Variants in AGO3 observed in about 807,000 individuals in gnomAD.
AGO3 encodes the protein argonaute RISC catalytic component 3.
In AGO3, 16 loss-of-function variants were observed where a neutral mutation model predicts 105.5. The ratio of observed to expected loss-of-function variants is 0.15; its 90% CI spans 0.10 to 0.23. The LOEUF is 0.23. Among genes scored for constraint, AGO3 ranks in the 10% least tolerant of loss-of-function variants. The pLI is 1.00. For missense variants in AGO3, 534 were observed against 1,088.0 expected, an observed-to-expected ratio of 0.49 and a Z score of 7.16; for synonymous variants, 340 against 367.3, an observed-to-expected ratio of 0.93 and a Z score of 0.85.
rs1000677835 is a variant in AGO3 at position 36,059,933 on chromosome 1, G to A, written c.*4188G>A. ...GAAAAAGGGTACCTCAGCCTCTTCA[G>A]TACTGGTTTTTTGGCACATTTCAAC... is the stretch of plus-strand genomic sequence containing the variant. On this transcript the variant is annotated 3_prime_UTR_variant, in exon 19 of 19. Coordinates refer to ENST00000373191, the MANE Select transcript of AGO3 (RefSeq NM_024852.4). The A allele has an allele frequency of 1.3e-5, 2 of 152,116 alleles. No homozygotes were observed. Among genetic ancestry groups the A allele is most frequent in the African/African-American group, 4.8e-5 (2 of 41,416 alleles). The allele number at this position is 152,116 out of a possible 1,614,324, so 9.4% of individuals were successfully genotyped here.
chr1:35,952,871 A>G (rs1571423946), intron 2 of AGO3, among the ~76,000 whole-genome samples: 1 of 152,188 alleles, frequency 6.6e-6, no homozygotes, highest in East Asian at 1.9e-4. Context: ...CCCATCGTTA[A>G]GTGATGCATA....
intron 4 of AGO3, 98 bp from the exon 5 acceptor site, chr1:35,973,277 C>T (rs1336809024): frequency 8.7e-7 from 1 of 1,147,140 alleles, no homozygotes; most frequent in Non-Finnish European, 1.1e-6. Flanking sequence ...TAATGATAAG[C>T]ATCATTATGT....
chr1:36,031,629 A>G (rs1641779819), intron 12 of AGO3, among the ~76,000 whole-genome samples: 2 of 152,126 alleles, frequency 1.3e-5, no homozygotes, highest in Non-Finnish European at 1.5e-5. Context: ...ATCCATTTCC[A>G]GAACTTTTTT....
At chr1:35,988,635 T>C (rs891614974) in intron 5 of AGO3, among the ~76,000 whole-genome samples, 1 of 152,088 alleles carries the variant, frequency 6.6e-6, no homozygotes, top group Non-Finnish European at 1.5e-5. Context: ...CTAAATAATA[T>C]TCCATTTTAT....
chr1:36,052,736 T>C (rs1243745782), intron 17 of AGO3, among the ~76,000 whole-genome samples: 1 of 152,076 alleles, frequency 6.6e-6, no homozygotes. Context: ...AAAACCTATA[T>C]ATATCAGGCT....
intron 2 of AGO3, among the ~76,000 whole-genome samples, chr1:35,948,975 C>T (rs1047148551): frequency 1.3e-5 from 2 of 151,508 alleles, no homozygotes; most frequent in African/African-American, 4.9e-5. Flanking sequence ...TGGAGTTTTG[C>T]TCTTGTTGCC....
At position 36,068,152 on chromosome 1, in the gene AGO3, G is replaced by T. The variant is rs1044235051; in HGVS notation, c.*12407G>T. The T allele has an allele frequency of 3.3e-5, 5 of 151,860 alleles. No individual in the cohort carries two copies. Among genetic ancestry groups the T allele is most frequent in the Non-Finnish European group, 5.9e-5 (4 of 67,986 alleles). 9.4% of individuals were successfully genotyped at this position (151,860 alleles called of 1,614,324 possible). The stretch of plus-strand genomic sequence containing the variant: ...ACACACACTGTTAAAAATAAAAGAG[G>T]GGAAGGATAAAACAAAAATAGATAG... On this transcript the variant is annotated 3_prime_UTR_variant, in exon 19 of 19. Coordinates refer to ENST00000373191, the MANE Select transcript of AGO3 (RefSeq NM_024852.4).
At chr1:35,953,192 G>A (rs1305896404) in intron 2 of AGO3, among the ~76,000 whole-genome samples, 1 of 152,076 alleles carries the variant, frequency 6.6e-6, no homozygotes, top group Non-Finnish European at 1.5e-5. Flanking sequence ...ACTTTGGGAT[G>A]CTGAGGTGAA....
chr1:35,979,090 C>T (rs1557661945), intron 5 of AGO3, among the ~76,000 whole-genome samples: 2 of 151,942 alleles, frequency 1.3e-5, no homozygotes, highest in African/African-American at 2.4e-5. Context: ...TGTGGCTGGG[C>T]GCGGTGGCTC....
At chr1:36,036,331 A>G in intron 14 of AGO3, 64 bp downstream of exon 14, 1 of 1,437,982 alleles carries the variant, frequency 7.0e-7, no homozygotes, top group Non-Finnish European at 9.6e-7. Context: ...TGCAGTTTCA[A>G]CTTTTTGAAT....
At chr1:36,041,235 CTTTTTTTTTTT>C (rs958423621) in intron 16 of AGO3, among the ~76,000 whole-genome samples, 5 of 86,420 alleles carry the variant, frequency 5.8e-5, no homozygotes, top group Admixed American at 1.5e-4. Context: ...AATATGTTTT[CTTTTTTTTTTT>C]TTTTTTTTTT....
chr1:36,056,508 A>G lies in AGO3; in HGVS notation c.*763A>G, dbSNP rs1268841493. Reference sequence around the variant, plus strand: ...ATACCCTACTCCTGACTCCTATCTCATACACAATTCTGAGTTCTCAACTCT... The same window carrying G: ...ATACCCTACTCCTGACTCCTATCTCGTACACAATTCTGAGTTCTCAACTCT... On this transcript the variant is annotated 3_prime_UTR_variant, in exon 19 of 19. Transcript: ENST00000373191. 1 of 151,974 alleles carries G rather than the reference A, an allele frequency of 6.6e-6. No individual in the cohort carries two copies. The highest frequency in any genetic ancestry group is 2.4e-5 in the African/African-American group (1 of 41,398). The allele number at this position is 151,974 out of a possible 1,614,324, so 9.4% of individuals were successfully genotyped here. A position where few individuals can be genotyped will look rare whatever the true frequency, so the allele number is the denominator to read the frequency against.
At position 36,069,744 on chromosome 1, in the gene AGO3, TGTG is replaced by T. The variant is rs1160537791; in HGVS notation, c.*14003_*14005del. ...CAGCTGCAGTTTTGAGTTAGATTAA[TGTG>T]GTGAAAACCATCAAATACTTAGAAA... is the stretch of plus-strand genomic sequence containing the variant. On this transcript the variant is annotated 3_prime_UTR_variant, in exon 19 of 19. Coordinates refer to ENST00000373191, the MANE Select transcript of AGO3 (RefSeq NM_024852.4). 2.6e-5 allele frequency: 4 copies of T among 152,208 alleles called. No individual in the cohort carries two copies. The South Asian group carries it at 8.3e-4, about 32-fold the overall frequency. The allele number at this position is 152,208 out of a possible 1,614,324, so 9.4% of individuals were successfully genotyped here.
chr1:36,034,422 T>G (rs994201363), intron 13 of AGO3, 89 bp downstream of exon 13: 3 of 908,186 alleles, frequency 3.3e-6, no homozygotes, highest in Non-Finnish European at 4.4e-6. Flanking sequence ...AAGGGCTGTG[T>G]AAGAGACCCC....
intron 2 of AGO3, among the ~76,000 whole-genome samples, chr1:35,950,421 A>G (rs1272086031): frequency 6.6e-6 from 1 of 152,332 alleles, no homozygotes; most frequent in East Asian, 1.9e-4. Context: ...CTTTAGTTGG[A>G]GTCTTCTTAG....
At chr1:35,943,547 T>TTG (rs1448309947) in intron 1 of AGO3, among the ~76,000 whole-genome samples, 2 of 151,082 alleles carry the variant, frequency 1.3e-5, no homozygotes, top group Non-Finnish European at 2.9e-5. Context: ...GTGATCCACC[T>TTG]GCCTTGGCCT....
At chr1:35,996,065 G>A (rs774817718) in intron 5 of AGO3, among the ~76,000 whole-genome samples, 7 of 152,126 alleles carry the variant, frequency 4.6e-5, no homozygotes, top group Non-Finnish European at 7.3e-5. Flanking sequence ...GCAGCCAGGC[G>A]CACTGGCTCA....
chr1:36,036,022 G>A (rs906484339), intron 13 of AGO3, among the ~76,000 whole-genome samples, 155 bp from the exon 14 acceptor site: 35 of 118,172 alleles, frequency 3.0e-4, no homozygotes, highest in Middle Eastern at 5.7e-3. Flanking sequence ...GACAGAGCGA[G>A]ACTCCGTCTC....
Position 36,034,203 on chromosome 1 carries a change from T to C in AGO3, c.1621T>C (p.Leu541=), listed in dbSNP as rs1259655522. The C allele has an allele frequency of 6.3e-7, 1 of 1,591,658 alleles. No homozygotes were observed. Among genetic ancestry groups the C allele is most frequent in the Non-Finnish European group, 8.6e-7 (1 of 1,169,454 alleles). ...AEVKRVGDTL[L]GMATQCVQVK... ...AGTGAAACGTGTAGGAGACACACTT[T>C]TGGGTATGGCTACACAATGTGTTCA... Residue 541 remains leucine (L), a synonymous_variant, in exon 13 of 19, where the codon TTG becomes CTG. Transcript: ENST00000373191.
Sources: gnomAD v4.1 joint callset for allele counts (sites outside exome capture counted in the v4.1 genomes callset) on GRCh38, gnomAD v4.1.1 for gene constraint, MANE v1.5 for transcripts, NCBI Gene and HGNC (gene_info 2026-07-23, HGNC 2026-07-21) for gene names.